Variants in SCN2A observed in about 807,000 individuals in gnomAD.
SCN2A encodes the protein sodium channel protein type 2 subunit alpha.
Under a neutral mutation model 188.7 loss-of-function variants are expected in SCN2A, and 20 were observed. The ratio of observed to expected loss-of-function variants is 0.11; its 90% CI spans 0.07 to 0.15. The LOEUF is 0.15. Ranked by LOEUF, SCN2A falls within the 10% of genes least tolerant of loss-of-function variation. SCN2A has a pLI of 1.00. For synonymous variants in SCN2A, 804 were observed against 833.1 expected, an observed-to-expected ratio of 0.97 and a Z score of 0.60; for missense variants, 1,278 against 2,445.0, an observed-to-expected ratio of 0.52 and a Z score of 10.07.
chr2:165,275,183 A>G (rs1695281060), intron 1 of SCN2A, among the ~76,000 whole-genome samples: 2 of 152,020 alleles, frequency 1.3e-5, no homozygotes, highest in African/African-American at 4.8e-5. Context: ...CCATTCCATA[A>G]CTCTTCTGAT....
Position 165,310,551 on chromosome 2 carries a change from G to C in SCN2A, c.926G>C (p.Arg309Thr). 6.2e-7 allele frequency: 1 copy of C among 1,612,484 alleles called. No individual in the cohort carries two copies. The highest frequency in any genetic ancestry group is 8.5e-7 in the Non-Finnish European group (1 of 1,178,818). ...GATGGGAATGGTACTACTTTCAATA[G>C]GACAGTGAGCATATTTAACTGGGAT... is the stretch of plus-strand genomic sequence containing the variant. ...SLDGNGTTFN[R>T]TVSIFNWDEY... is the part of the protein sequence containing the mutation. Residue 309 changes from arginine (R) to threonine (T), a missense_variant, in exon 7 of 27, where the codon AGG becomes ACG. This residue lies in a region of SCN2A where 45 missense variants were observed against 58.1 expected (regional missense o/e 0.77). Coordinates refer to ENST00000375437, the MANE Select transcript of SCN2A (RefSeq NM_001040142.2).
chr2:165,379,211 T>C (rs1701471434), intron 23 of SCN2A, among the ~76,000 whole-genome samples: 1 of 151,628 alleles, frequency 6.6e-6, no homozygotes, highest in South Asian at 2.1e-4. Context: ...TCAAAAACAG[T>C]AGAAATAGGC....
chr2:165,337,026 G>A (rs1699038649), intron 14 of SCN2A, among the ~76,000 whole-genome samples: 2 of 151,666 alleles, frequency 1.3e-5, no homozygotes, highest in Admixed American at 1.3e-4. Flanking sequence ...AAACAAAAAA[G>A]GACTTTGGAG....
At chr2:165,376,281 ACAT>A (rs1400482295) in intron 22 of SCN2A, among the ~76,000 whole-genome samples, 2 of 151,920 alleles carry the variant, frequency 1.3e-5, no homozygotes, top group African/African-American at 2.4e-5. Context: ...ATATTTGAAA[ACAT>A]CATTTTGTAC....
In SCN2A at chr2:165,298,302, T is replaced by G. The variant is rs150824552; in HGVS notation, c.386+1167T>G. Among the ~76,000 whole-genome samples, 512 of 152,264 alleles carry G rather than the reference T, an allele frequency of 3.4e-3. 4 individuals carry two copies. Among genetic ancestry groups the G allele is most frequent in the Admixed American group, 9.6e-3 (147 of 15,288 alleles). On this transcript the variant is annotated intron_variant, in intron 3 of 26. Transcript: ENST00000375437. The stretch of plus-strand genomic sequence containing the variant: ...GAATTAGATAAGGTATGGAACTAAA[T>G]TAAGTAGGGAATTCAGGAAATGGGA...
In SCN2A at chr2:165,331,052, T is replaced by C. The variant is rs1698646090; in HGVS notation, c.2150-278T>C. Reference sequence around the variant, plus strand: ...AATGCAAGTTCTACCCATTAGTTTCTAGCAGCCTTGAAGATAAGTATCAGA... The same window carrying C: ...AATGCAAGTTCTACCCATTAGTTTCCAGCAGCCTTGAAGATAAGTATCAGA... On this transcript the variant is annotated intron_variant, in intron 13 of 26. Transcript: ENST00000375437. 2.0e-5 allele frequency among the ~76,000 whole-genome samples: 3 copies of C among 152,170 alleles called. No individual in the cohort carries two copies. In the South Asian group the frequency reaches 6.2e-4, roughly 32 times the overall value.
intron 13 of SCN2A, among the ~76,000 whole-genome samples, chr2:165,330,348 A>T (rs973317143): frequency 1.3e-5 from 2 of 152,208 alleles, no homozygotes; most frequent in African/African-American, 2.4e-5. Context: ...TGATGAAGAG[A>T]TTATCTTGCC....
chr2:165,375,045 C>T (rs1270819908), intron 22 of SCN2A, 79 bp downstream of exon 22: 3 of 1,246,778 alleles, frequency 2.4e-6, no homozygotes, highest in Non-Finnish European at 2.3e-6. Flanking sequence ...ATGAGATATC[C>T]ACCTGTTAGA....
In SCN2A at chr2:165,354,328, G is replaced by T; in HGVS notation, c.3056G>T (p.Arg1019Ile). ...CAGAAAGGAATCGATTTTGTTAAAAGAAAAATACGTGAATTTATTCAGAAA... is the reference window on the plus strand; with the variant it reads ...CAGAAAGGAATCGATTTTGTTAAAATAAAAATACGTGAATTTATTCAGAAA... ...RMQKGIDFVK[R>I]KIREFIQKAF... Residue 1019 changes from arginine to isoleucine, a missense_variant, in exon 17 of 27, where the codon AGA (arginine) becomes ATA (isoleucine). By Grantham distance (97) the Arg-to-Ile change is moderately conservative. Transcript: ENST00000375437. The T allele has an allele frequency of 6.2e-7, 1 of 1,614,016 alleles. No homozygotes were observed. The highest frequency in any genetic ancestry group is 1.3e-5 in the African/African-American group (1 of 75,028).
intron 6 of SCN2A, 22 bp downstream of exon 6, chr2:165,309,465 G>A (rs372214702): frequency 1.1e-5 from 17 of 1,612,918 alleles, no homozygotes; most frequent in South Asian, 3.3e-5. Context: ...GTTAAACACC[G>A]AGGCTGACTT....
intron 22 of SCN2A, among the ~76,000 whole-genome samples, chr2:165,375,732 G>T (rs1049635776): frequency 3.3e-5 from 5 of 151,618 alleles, no homozygotes; most frequent in Non-Finnish European, 5.9e-5. Flanking sequence ...ATATTAAAAA[G>T]ATTTTCAAAA....
intron 22 of SCN2A, among the ~76,000 whole-genome samples, chr2:165,375,584 C>T (rs1701266789): frequency 6.6e-6 from 1 of 151,840 alleles, no homozygotes; most frequent in South Asian, 2.1e-4. Flanking sequence ...AGAAAATGTA[C>T]AAGACTTTTG....
At chr2:165,243,061 A>G (rs546635859) in intron 1 of SCN2A, among the ~76,000 whole-genome samples, 1 of 152,334 alleles carries the variant, frequency 6.6e-6, no homozygotes, top group South Asian at 2.1e-4. Context: ...CTTGAATTGG[A>G]GACTAATAAC....
At chr2:165,249,145 G>C (rs1470268972) in intron 1 of SCN2A, among the ~76,000 whole-genome samples, 1 of 152,056 alleles carries the variant, frequency 6.6e-6, no homozygotes, top group Non-Finnish European at 1.5e-5. Context: ...CTCAAAGTCA[G>C]GAACTTGGTC....
At chr2:165,387,414 T>C (rs914839511) in intron 26 of SCN2A, among the ~76,000 whole-genome samples, 2 of 152,170 alleles carry the variant, frequency 1.3e-5, no homozygotes, top group Non-Finnish European at 2.9e-5. Flanking sequence ...AATTCATAAA[T>C]ATGACCTCTT....
intron 14 of SCN2A, among the ~76,000 whole-genome samples, chr2:165,337,438 T>C (rs1294680500): frequency 6.6e-6 from 1 of 152,026 alleles, no homozygotes; most frequent in Non-Finnish European, 1.5e-5. Flanking sequence ...CCAAAGTTGG[T>C]GAAAAATAGT....
At chr2:165,350,464 C>CT (rs71028479) in intron 16 of SCN2A, among the ~76,000 whole-genome samples, 3,079 of 73,770 alleles carry the variant, frequency 0.042, 320 homozygotes, top group Middle Eastern at 0.074. Context: ...TGTTTTCTTT[C>CT]TTTTTTTTTT....
chr2:165,375,789 T>C (rs560777040), intron 22 of SCN2A, among the ~76,000 whole-genome samples: 1 of 151,896 alleles, frequency 6.6e-6, no homozygotes, highest in Admixed American at 6.6e-5. Flanking sequence ...TAAAAACTTA[T>C]TGGATGTATA....
intron 16 of SCN2A, among the ~76,000 whole-genome samples, chr2:165,352,636 A>G (rs1424397727): frequency 1.3e-5 from 2 of 152,162 alleles, no homozygotes; most frequent in Non-Finnish European, 2.9e-5. Context: ...GAAAATTCAC[A>G]TCTGGCCTCC....
Sources: allele counts gnomAD v4.1 joint callset (sites outside exome capture counted in the v4.1 genomes callset), GRCh38; gene constraint gnomAD v4.1.1; regional missense constraint gnomAD v4.1.1; transcripts MANE v1.5; gene names NCBI Gene and HGNC (gene_info 2026-07-23, HGNC 2026-07-21).